HS1BP3: variants seen among roughly 807,000 people sequenced by gnomAD.
HS1BP3 encodes the protein HCLS1-binding protein 3.
HS1BP3 carries 32 observed loss-of-function variants against 33.5 expected under a neutral mutation model. That is an observed-to-expected ratio of 0.95 (90% CI 0.72 to 1.28). The LOEUF (loss-of-function observed/expected upper bound fraction) is 1.28. Among genes scored for constraint, HS1BP3 ranks in the 50% most tolerant of loss-of-function variants. The pLI, the probability that HS1BP3 is intolerant of heterozygous loss-of-function variation, is 0.00. For missense variants in HS1BP3, 486 were observed against 502.3 expected, an observed-to-expected ratio of 0.97 and a Z score of 0.31; for synonymous variants, 187 against 209.2, an observed-to-expected ratio of 0.89 and a Z score of 0.92.
At chr2:20,554,120 C>T in the HS1BP3 span, among the ~76,000 whole-genome samples, 4 of 152,290 alleles carry the variant, frequency 2.6e-5, no homozygotes, top group African/African-American at 4.8e-5. Flanking sequence ...ACTCCCAAGT[C>T]TTATAATAAG....
chr2:20,577,366 AG>A (rs1379109960), intron 5 of HS1BP3, among the ~76,000 whole-genome samples: 5 of 152,238 alleles, frequency 3.3e-5, no homozygotes, highest in Admixed American at 2.0e-4. Context: ...CTCCTTAAAA[AG>A]CTTCCCAACC....
intron 6 of HS1BP3, chr2:20,622,845 A>G (rs1310640371): frequency 6.3e-6 from 1 of 159,696 alleles, no homozygotes; most frequent in Non-Finnish European, 1.4e-5. Flanking sequence ...GAGAGTGAAC[A>G]GATGCCAGGG....
intron 5 of HS1BP3, among the ~76,000 whole-genome samples, chr2:20,578,935 A>C (rs2149274947): frequency 6.6e-6 from 1 of 152,338 alleles, no homozygotes; most frequent in East Asian, 1.9e-4. Context: ...CAGTACTACA[A>C]GGCTTTCTGT....
At chr2:20,625,605 C>T (rs4666445) in intron 4 of HS1BP3, among the ~76,000 whole-genome samples, 59,609 of 152,030 alleles carry the variant, frequency 0.39, 11,989 homozygotes, top group East Asian at 0.6. Flanking sequence ...TGTGGAGCAG[C>T]CCCCCTCTTT....
At chr2:20,620,504 C>A (rs1241968749) in intron 6 of HS1BP3, among the ~76,000 whole-genome samples, 1 of 152,220 alleles carries the variant, frequency 6.6e-6, no homozygotes, top group African/African-American at 2.4e-5. Context: ...TTGGTCTCTA[C>A]AAGCTTCGGC....
chr2:20,641,837 C>A (rs1326327254), intron 2 of HS1BP3, among the ~76,000 whole-genome samples: 1 of 152,220 alleles, frequency 6.6e-6, no homozygotes, highest in Non-Finnish European at 1.5e-5. Flanking sequence ...GCCTCCTTGG[C>A]CTCTCCCCAC....
Position 20,640,998 on chromosome 2 carries a change from GC to G in HS1BP3, c.380del (p.Gly127AlafsTer6), listed in dbSNP as rs1558349579. 1 of 1,614,186 alleles carries G rather than the reference GC, an allele frequency of 6.2e-7. No individual in the cohort carries two copies. The highest frequency in any genetic ancestry group is 8.5e-7 in the Non-Finnish European group (1 of 1,180,026). On this transcript the variant is annotated frameshift_variant, in exon 3 of 7. Coordinates refer to ENST00000304031, the MANE Select transcript of HS1BP3 (RefSeq NM_022460.4). LOFTEE classifies it high-confidence loss of function. Reference protein sequence around the residue: ...RCVSKDAELAGSPELLEFLGT... With the variant: ...RCVSKDAELAXSPELLEFLGT... ...CTAAGAACTCTAGCAGCTCTGGGCT[GC>G]CTGCCAACTCGGCATCCTTGGAGAC...
chr2:20,599,072 C>T (rs1320089745), intron 2 of HS1BP3, among the ~76,000 whole-genome samples: 3 of 152,216 alleles, frequency 2.0e-5, no homozygotes, highest in East Asian at 1.9e-4. Context: ...ACAACCTCAG[C>T]ACCGCCCCTG....
Position 20,618,833 on chromosome 2 carries a change from A to G in HS1BP3, c.*154T>C, listed in dbSNP as rs1694502113. 4 of 1,424,434 alleles carry G rather than the reference A, an allele frequency of 2.8e-6. No individual in the cohort carries two copies. Among genetic ancestry groups the G allele is most frequent in the Non-Finnish European group, 3.7e-6 (4 of 1,093,474 alleles). 88.2% of individuals were successfully genotyped at this position (1,424,434 alleles called of 1,614,324 possible). On this transcript the variant is annotated 3_prime_UTR_variant, in exon 7 of 7. Transcript: ENST00000304031. ...ACTTTGGCCCCACAGCCCCGGAGAAAATGGAACCATGCAGTTCTGGGTGCT... is the reference window on the plus strand; with the variant it reads ...ACTTTGGCCCCACAGCCCCGGAGAAGATGGAACCATGCAGTTCTGGGTGCT...
chr2:20,608,975 G>A lies in HS1BP3; in HGVS notation c.179-10710C>T, dbSNP rs1232692997. On this transcript the variant is annotated intron_variant, in intron 2 of 3. Transcript: ENST00000415264. ...TTCATAAATGCTGAGGTCCTGAAAA[G>A]CCTAAGAGGTCAGGCTTGCTGAGAA... Among the ~76,000 whole-genome samples the A allele has an allele frequency of 3.3e-5, 5 of 152,222 alleles. No individual in the cohort carries two copies. The South Asian group carries it at 1.0e-3, about 32-fold the overall frequency.
intron 5 of HS1BP3, among the ~76,000 whole-genome samples, chr2:20,583,954 G>C (rs1007717719): frequency 6.6e-6 from 1 of 152,192 alleles, no homozygotes; most frequent in Non-Finnish European, 1.5e-5. Context: ...ACGGCTCCGG[G>C]TTTCTGAATG....
intron 5 of HS1BP3, 97 bp downstream of exon 5, chr2:20,624,635 T>C (rs1694712826): frequency 3.5e-6 from 4 of 1,131,426 alleles, no homozygotes; most frequent in East Asian, 2.4e-5. Context: ...AGGGGAGATA[T>C]ATGGGTCCTA....
intron 1 of HS1BP3, among the ~76,000 whole-genome samples, chr2:20,645,895 C>A (rs947222456): frequency 2.0e-5 from 3 of 152,206 alleles, no homozygotes. Context: ...GATTGAAATC[C>A]CAGCTGGAGA....
At chr2:20,633,452 C>A (rs1331785484) in intron 4 of HS1BP3, among the ~76,000 whole-genome samples, 1 of 152,342 alleles carries the variant, frequency 6.6e-6, no homozygotes, top group East Asian at 1.9e-4. Context: ...ACCACTGGTA[C>A]ATCTGTTGTT....
chr2:20,592,814 C>T (rs993917250), intron 3 of HS1BP3: 1 of 152,240 alleles, frequency 6.6e-6, no homozygotes, highest in African/African-American at 2.4e-5. Context: ...GATTTAAGGC[C>T]CACCTGGATA....
chr2:20,577,135 G>T (rs1558320024), intron 5 of HS1BP3, among the ~76,000 whole-genome samples: 1 of 152,206 alleles, frequency 6.6e-6, no homozygotes, highest in Non-Finnish European at 1.5e-5. Flanking sequence ...ATGTGGGGTG[G>T]CCCAGGGCAA....
intron 5 of HS1BP3, among the ~76,000 whole-genome samples, chr2:20,565,643 A>T (rs767220130): frequency 6.6e-6 from 1 of 152,218 alleles, no homozygotes; most frequent in African/African-American, 2.4e-5. Flanking sequence ...CACACCCTGC[A>T]ACTAGGGTAC....
intron 3 of HS1BP3, among the ~76,000 whole-genome samples, chr2:20,594,821 G>T (rs894891101): frequency 2.2e-4 from 34 of 152,126 alleles, no homozygotes; most frequent in African/African-American, 7.5e-4. Context: ...ATTCCTGGAG[G>T]GGGCTGTCTT....
chr2:20,563,622 C>A (rs950035787), intron 5 of HS1BP3, among the ~76,000 whole-genome samples: 1 of 152,164 alleles, frequency 6.6e-6, no homozygotes, highest in African/African-American at 2.4e-5. Context: ...GAGGAATGGT[C>A]CCCGAGATGG....
Sources: gnomAD v4.1 joint callset for allele counts (sites outside exome capture counted in the v4.1 genomes callset) on GRCh38, gnomAD v4.1.1 for gene constraint, MANE v1.5 for transcripts, NCBI Gene and HGNC (gene_info 2026-07-23, HGNC 2026-07-21) for gene names.